The following CEP41 variants were observed in gnomAD, a reference collection of about 807,000 sequenced individuals.
CEP41 encodes the protein centrosomal protein 41.
In CEP41, 32 loss-of-function variants were observed where a neutral mutation model predicts 44.3. The observed-to-expected ratio is 0.72, with a 90% CI of 0.54 to 0.97. The LOEUF is 0.97. CEP41 is among the 50% of genes least tolerant of loss of function. CEP41 has a pLI of 0.00. For missense variants in CEP41, 432 were observed against 455.2 expected (o/e 0.95, Z 0.46); for synonymous variants, 151 against 168.5 (o/e 0.90, Z 0.80).
In CEP41 at chr7:130,396,711, A is replaced by C. The variant is rs1554414743; in HGVS notation, c.*2180T>G. On this transcript the variant is annotated 3_prime_UTR_variant, in exon 11 of 11. Transcript: ENST00000223208. ...ACACTTAACATGCAAAACGCAGATT[A>C]GAACAGCTCTTTTGAGCATGGTTAT... The C allele has an allele frequency of 4.4e-6, 2 of 454,442 alleles. No individual in the cohort carries two copies. The highest frequency in any genetic ancestry group is 4.0e-5 in the African/African-American group (2 of 50,008). The allele number at this position is 454,442 out of a possible 1,614,324, so 28.2% of individuals were successfully genotyped here. A position where few individuals can be genotyped will look rare whatever the true frequency, so the allele number is the denominator to read the frequency against.
intron 2 of CEP41, among the ~76,000 whole-genome samples, chr7:130,422,659 C>A (rs1655399512): frequency 6.6e-6 from 1 of 152,140 alleles, no homozygotes; most frequent in Non-Finnish European, 1.5e-5. Context: ...AGAATAATTT[C>A]TAAATTTGAA....
At position 130,393,789 on chromosome 7, in the gene CEP41, C is replaced by T. The variant is rs1990790; in HGVS notation, c.*5102G>A. On this transcript the variant is annotated 3_prime_UTR_variant, in exon 11 of 11. Transcript: ENST00000223208. The stretch of plus-strand genomic sequence containing the variant: ...GCACAAATCATATCAATATGGTTTA[C>T]TGAATGAATGGCTAGACCTATCAGG... 0.52 allele frequency: 234,405 copies of T among 451,426 alleles called. 61,491 individuals carry two copies. Among genetic ancestry groups the T allele is most frequent in the African/African-American group, 0.63 (31,481 of 49,810 alleles). The allele number at this position is 451,426 out of a possible 1,614,324, so 28.0% of individuals were successfully genotyped here. A position where few individuals can be genotyped will look rare whatever the true frequency, so the allele number is the denominator to read the frequency against.
At chr7:130,417,255 T>C in intron 2 of CEP41, 1 of 1,213,084 alleles carries the variant, frequency 8.2e-7, no homozygotes, top group East Asian at 4.7e-5. Context: ...TCTATCAGTT[T>C]GTTTTTCAAG....
rs188436378 is a variant in CEP41 at position 130,395,914 on chromosome 7, T to G, written c.*2977A>C. ...AAAAAAAGATAAAAGATAAAATGAA[T>G]GCAGGCCATTTAAATCATTCCATAC... On this transcript the variant is annotated 3_prime_UTR_variant, in exon 11 of 11. Coordinates refer to ENST00000223208, the MANE Select transcript of CEP41 (RefSeq NM_018718.3). The G allele has an allele frequency of 1.1e-5, 5 of 448,028 alleles. No individual in the cohort carries two copies. The highest frequency in any genetic ancestry group is 8.1e-5 in the African/African-American group (4 of 49,638). 27.8% of individuals were successfully genotyped at this position (448,028 alleles called of 1,614,324 possible). A position where few individuals can be genotyped will look rare whatever the true frequency, so the allele number is the denominator to read the frequency against.
At chr7:130,420,876 T>G (rs1373043655) in intron 2 of CEP41, 2 of 926,514 alleles carry the variant, frequency 2.2e-6, no homozygotes, top group Non-Finnish European at 2.6e-6. Flanking sequence ...TATTTTATAA[T>G]GCAAATACTT....
intron 2 of CEP41, chr7:130,417,216 C>T: frequency 7.6e-7 from 1 of 1,310,502 alleles, no homozygotes; most frequent in South Asian, 1.6e-5. Context: ...AAAACATTGA[C>T]AAGTTCCAGG....
chr7:130,422,213 T>C (rs1391993031), intron 2 of CEP41, among the ~76,000 whole-genome samples: 2 of 152,218 alleles, frequency 1.3e-5, no homozygotes, highest in African/African-American at 4.8e-5. Flanking sequence ...AAATTCTTGA[T>C]TTCTTGTGAT....
chr7:130,436,267 A>G (rs576355083), intron 1 of CEP41, among the ~76,000 whole-genome samples: 1 of 152,226 alleles, frequency 6.6e-6, no homozygotes, highest in African/African-American at 2.4e-5. Flanking sequence ...TATGCGACTC[A>G]AGGACATTAT....
rs1796669388 is a variant in CEP41 at position 130,396,670 on chromosome 7, A to C, written c.*2221T>G. 1 of 454,498 alleles carries C rather than the reference A, an allele frequency of 2.2e-6. No individual in the cohort carries two copies. The highest frequency in any genetic ancestry group is 4.4e-6 in the Non-Finnish European group (1 of 226,808). The allele number at this position is 454,498 out of a possible 1,614,324, so 28.2% of individuals were successfully genotyped here. On this transcript the variant is annotated 3_prime_UTR_variant, in exon 11 of 11. Coordinates refer to ENST00000223208, the MANE Select transcript of CEP41 (RefSeq NM_018718.3). ...TAAAAGCAATACCTCGAGCACGTAA[A>C]GAATGTTTGATATTAACACTTAACA...
At chr7:130,412,912 A>G (rs1288957121) in intron 3 of CEP41, among the ~76,000 whole-genome samples, 1 of 152,214 alleles carries the variant, frequency 6.6e-6, no homozygotes, top group African/African-American at 2.4e-5. Context: ...GTACAACAGT[A>G]TGAAAATACT....
chr7:130,421,813 G>A (rs1017609865), intron 2 of CEP41: 1 of 1,361,878 alleles, frequency 7.3e-7, no homozygotes. Flanking sequence ...TAAAGGGAGA[G>A]CCCTGTGGTT....
chr7:130,421,528 G>A (rs1430127726), intron 2 of CEP41: 10 of 984,108 alleles, frequency 1.0e-5, no homozygotes, highest in Non-Finnish European at 1.2e-5. Context: ...AAATAAAAAT[G>A]AAGAGTACCT....
At chr7:130,441,275 GCGCCTGCGCAAAGCC>G, upstream of CEP41, 3 of 466,662 alleles carry the variant, frequency 6.4e-6, no homozygotes, top group South Asian at 2.1e-5. Flanking sequence ...GGGAAGGCTG[GCGCCTGCGCAAAGCC>G]GGGGGCGGGG....
At chr7:130,432,701 A>G (rs1346172417) in intron 1 of CEP41, among the ~76,000 whole-genome samples, 4 of 151,952 alleles carry the variant, frequency 2.6e-5, no homozygotes, top group Non-Finnish European at 4.4e-5. Context: ...TCAAGGCTGC[A>G]GTGAGCAATG....
Position 130,395,549 on chromosome 7 carries a change from A to G in CEP41, c.*3342T>C, listed in dbSNP as rs781787941. 3 of 454,130 alleles carry G rather than the reference A, an allele frequency of 6.6e-6. No homozygotes were observed. The highest frequency in any genetic ancestry group is 4.7e-5 in the South Asian group (3 of 64,472). The allele number at this position is 454,130 out of a possible 1,614,324, so 28.1% of individuals were successfully genotyped here. On this transcript the variant is annotated 3_prime_UTR_variant, in exon 11 of 11. Transcript: ENST00000223208. ...GACAGAAACTAATTATTCGCTCTAA[A>G]AAAGTCAGATAACATAAAAGACAGA... is the stretch of plus-strand genomic sequence containing the variant.
chr7:130,427,878 C>G (rs189344678), intron 2 of CEP41, 77 bp downstream of exon 2: 2 of 920,438 alleles, frequency 2.2e-6, no homozygotes, highest in African/African-American at 3.3e-5. Context: ...TGATTTATAC[C>G]AGATATGTGG....
At chr7:130,436,452 A>C (rs1284188983) in intron 1 of CEP41, among the ~76,000 whole-genome samples, 1 of 152,208 alleles carries the variant, frequency 6.6e-6, no homozygotes, top group Non-Finnish European at 1.5e-5. Context: ...TAGTGATGCA[A>C]TAGTTCTTTA....
chr7:130,396,197 G>A lies in CEP41; in HGVS notation c.*2694C>T, dbSNP rs1044260434. ...CACTGCTGTTCAGGGTGCTGTAGTT[G>A]TACATCGATGAAGCACCTTCTGTCT... On this transcript the variant is annotated 3_prime_UTR_variant, in exon 11 of 11. Transcript: ENST00000223208. The A allele has an allele frequency of 7.5e-5, 34 of 453,732 alleles. No individual in the cohort carries two copies. The highest frequency in any genetic ancestry group is 6.8e-4 in the African/African-American group (34 of 49,886). 28.1% of individuals were successfully genotyped at this position (453,732 alleles called of 1,614,324 possible).
intron 5 of CEP41, among the ~76,000 whole-genome samples, chr7:130,405,278 T>C (rs1221156287): frequency 2.6e-5 from 4 of 152,186 alleles, no homozygotes; most frequent in African/African-American, 9.6e-5. Flanking sequence ...GATTGCTGAG[T>C]TGCAGGCTGA....
Sources: gnomAD v4.1 joint callset for allele counts (sites outside exome capture counted in the v4.1 genomes callset) on GRCh38, gnomAD v4.1.1 for gene constraint, MANE v1.5 for transcripts, NCBI Gene and HGNC (gene_info 2026-07-23, HGNC 2026-07-21) for gene names.